The following VPS13D variants were observed in gnomAD, a reference collection of about 807,000 sequenced individuals.
VPS13D encodes the protein vacuolar protein sorting 13 homolog D, also known as intermembrane lipid transfer protein VPS13D.
A neutral mutation model predicts 461.9 loss-of-function variants in VPS13D; 187 were observed. The ratio of observed to expected loss-of-function variants is 0.40; its 90% CI spans 0.36 to 0.46. The LOEUF is 0.46. Among genes scored for constraint, VPS13D ranks in the 20% least tolerant of loss-of-function variants. The probability of loss-of-function intolerance (pLI) is 0.60; values close to 1 mark genes in which losing one functional copy is unlikely to be tolerated. For missense variants in VPS13D, 4,711 were observed against 5,364.9 expected (o/e 0.88, Z 3.81); for synonymous variants, 1,951 against 1,986.3 (o/e 0.98, Z 0.47).
chr1:12,439,948 C>T (rs1258587706), intron 65 of VPS13D, among the ~76,000 whole-genome samples: 1 of 152,114 alleles, frequency 6.6e-6, no homozygotes, highest in East Asian at 1.9e-4. Context: ...CTATGGATGC[C>T]TCACCCTCAT....
chr1:12,288,904 C>T (rs889511516), intron 22 of VPS13D, among the ~76,000 whole-genome samples: 1 of 152,130 alleles, frequency 6.6e-6, no homozygotes, highest in Non-Finnish European at 1.5e-5. Context: ...TGCAGTGGTG[C>T]AGTCTTGGCT....
At chr1:12,242,403 AGCCTAT>A in intron 2 of VPS13D, 104 bp from the exon 3 acceptor site, 1 of 921,236 alleles carries the variant, frequency 1.1e-6, no homozygotes, top group Non-Finnish European at 1.7e-6. Context: ...CACATGACGT[AGCCTAT>A]TCTATATGTA....
intron 59 of VPS13D, among the ~76,000 whole-genome samples, chr1:12,385,677 T>C (rs1644341755): frequency 1.3e-5 from 2 of 152,254 alleles, no homozygotes; most frequent in South Asian, 4.1e-4. Flanking sequence ...CAGCCATCTC[T>C]GACATCTTCC....
chr1:12,275,930 C>T lies in VPS13D; in HGVS notation c.2342C>T (p.Pro781Leu). 1.2e-6 allele frequency: 2 copies of T among 1,613,948 alleles called. No homozygotes were observed. The highest frequency in any genetic ancestry group is 1.7e-6 in the Non-Finnish European group (2 of 1,180,010). ...PLATPPNTPP[P>L]ESSSSNGEKT... The stretch of plus-strand genomic sequence containing the variant: ...GCCACACCTCCTAACACCCCACCTC[C>T]CGAGTCAAGCAGCAGCAACGGAGAG... Residue 781 changes from proline (P) to leucine (L), a missense_variant, in exon 19 of 70, where the codon CCC (proline) becomes CTC (leucine). Physicochemically the swap from Pro to Leu is moderately conservative, Grantham distance 98. This residue lies in a region of VPS13D where 4,411 missense variants were observed against 4,937.8 expected (regional missense o/e 0.89). Coordinates refer to ENST00000620676, the MANE Select transcript of VPS13D (RefSeq NM_015378.4).
chr1:12,305,968 CTATTTT>C lies in VPS13D; in HGVS notation c.6439+1266_6439+1271del, dbSNP rs369743535. Among the ~76,000 whole-genome samples the C allele has an allele frequency of 1.0e-3, 154 of 151,760 alleles. 1 individual carries two copies. The highest frequency in any genetic ancestry group is 2.6e-3 in the African/African-American group (106 of 41,396). On this transcript the variant is annotated intron_variant, in intron 26 of 69. Coordinates refer to ENST00000620676, the MANE Select transcript of VPS13D (RefSeq NM_015378.4). ...ACACTCCTGCAGGGTTTTTATTTTT[CTATTTT>C]TATTTTTATTTTTATTTTTATTTTT...
rs372193507 is a variant in VPS13D at position 12,383,071 on chromosome 1, A to T, written c.11286A>T (p.Gln3762His). Residue 3762 changes from glutamine to histidine, a missense_variant, in exon 58 of 70, where the codon CAA becomes CAT. Physicochemically the swap from Gln to His is conservative, Grantham distance 24. This residue lies in a region of VPS13D where 4,411 missense variants were observed against 4,937.8 expected (regional missense o/e 0.89). Transcript: ENST00000620676. Reference sequence around the variant, plus strand: ...TTTTGGGGCCAGTTCCACCTGAACAACAATTTATTAATCAAAAAATGAGAC... The same window carrying T: ...TTTTGGGGCCAGTTCCACCTGAACATCAATTTATTAATCAAAAAATGAGAC... Reference protein sequence around the residue: ...MELLGPVPPEQQFINQKMRPG... With the variant: ...MELLGPVPPEHQFINQKMRPG... 4.3e-6 allele frequency: 7 copies of T among 1,614,080 alleles called. No individual in the cohort carries two copies. In the African/African-American group the frequency reaches 6.7e-5, roughly 15 times the overall value.
intron 32 of VPS13D, among the ~76,000 whole-genome samples, chr1:12,321,568 G>T (rs952334812): frequency 6.6e-6 from 1 of 152,138 alleles, no homozygotes; most frequent in African/African-American, 2.4e-5. Flanking sequence ...GGATCAAAGG[G>T]TGTGAGATTT....
intron 13 of VPS13D, among the ~76,000 whole-genome samples, chr1:12,262,691 T>G (rs1226454844): frequency 6.6e-6 from 1 of 152,014 alleles, no homozygotes; most frequent in Non-Finnish European, 1.5e-5. Context: ...CATTTTTGAC[T>G]TACTGTATTT....
intron 67 of VPS13D, chr1:12,478,834 A>G: frequency 6.6e-6 from 3 of 456,088 alleles, no homozygotes; most frequent in Non-Finnish European, 1.3e-5. Context: ...ACACCACAGG[A>G]AACCTGCCTG....
At chr1:12,469,293 A>G (rs1645533155) in intron 67 of VPS13D, among the ~76,000 whole-genome samples, 1 of 152,218 alleles carries the variant, frequency 6.6e-6, no homozygotes, top group Non-Finnish European at 1.5e-5. Context: ...ATATGAATTT[A>G]TAGATATAAC....
intron 50 of VPS13D, among the ~76,000 whole-genome samples, chr1:12,362,010 G>A (rs1215842559): frequency 5.9e-5 from 9 of 152,010 alleles, no homozygotes; most frequent in African/African-American, 1.9e-4. Context: ...CTACAGGTGC[G>A]TGCCACCATG....
intron 27 of VPS13D, among the ~76,000 whole-genome samples, chr1:12,309,981 T>C (rs993125651): frequency 1.3e-5 from 2 of 152,140 alleles, no homozygotes; most frequent in African/African-American, 4.8e-5. Flanking sequence ...CCCTGGCTGG[T>C]GTTCAGTTAT....
intron 24 of VPS13D, among the ~76,000 whole-genome samples, chr1:12,296,627 T>C (rs1642285517): frequency 6.6e-6 from 1 of 152,240 alleles, no homozygotes; most frequent in African/African-American, 2.4e-5. Context: ...TTATGACTAA[T>C]GCTTCCATGA....
intron 38 of VPS13D, 60 bp from the exon 39 acceptor site, chr1:12,335,641 ATTAT>A: frequency 6.5e-7 from 1 of 1,541,146 alleles, no homozygotes; most frequent in East Asian, 2.3e-5. Context: ...CTGAATTGAA[ATTAT>A]TTGACTCGAA....
rs1641664258 is a variant in VPS13D at position 12,277,928 on chromosome 1, C to G, written c.4340C>G (p.Ser1447Cys). The change falls in exon 19 of 70, where the codon TCT becomes TGT. Residue 1447 changes from serine (S) to cysteine (C), a missense_variant. This residue lies in a region of VPS13D where 4,411 missense variants were observed against 4,937.8 expected (regional missense o/e 0.89). Transcript: ENST00000620676. Reference sequence around the variant, plus strand: ...TTGGCAGGTAGAGAAGCTGTTGGGTCTGAAGGAAGCCGGATGTTTTGCCCA... The same window carrying G: ...TTGGCAGGTAGAGAAGCTGTTGGGTGTGAAGGAAGCCGGATGTTTTGCCCA... ...TQLAGREAVGSEGSRMFCPPS... is the reference protein window; with the variant it reads ...TQLAGREAVGCEGSRMFCPPS... 3 of 1,614,044 alleles carry G rather than the reference C, an allele frequency of 1.9e-6. No homozygotes were observed. The South Asian group carries it at 3.3e-5, about 18-fold the overall frequency.
At chr1:12,481,824 T>C (rs1446922192) in intron 67 of VPS13D, among the ~76,000 whole-genome samples, 1 of 152,174 alleles carries the variant, frequency 6.6e-6, no homozygotes, top group Non-Finnish European at 1.5e-5. Context: ...TTCCAGATGT[T>C]CTCTCTCCCT....
chr1:12,479,548 G>T (rs555284184), intron 67 of VPS13D, among the ~76,000 whole-genome samples: 6 of 152,192 alleles, frequency 3.9e-5, no homozygotes, highest in Non-Finnish European at 7.3e-5. Flanking sequence ...TTTCCCCATT[G>T]TACAGATGGG....
chr1:12,256,405 T>C lies in VPS13D; in HGVS notation c.742T>C (p.Leu248=). 4.3e-6 allele frequency: 7 copies of C among 1,614,138 alleles called. No homozygotes were observed. Among genetic ancestry groups the C allele is most frequent in the Non-Finnish European group, 5.9e-6 (7 of 1,180,022 alleles). The part of the protein sequence containing the change: ...VLEPVFASAL[L]KRNCSKKPLR... ...GGAGCCTGTGTTTGCATCTGCTCTTTTGAAGAGAAACTGCTCCAAGAAGCC... is the reference window on the plus strand; with the variant it reads ...GGAGCCTGTGTTTGCATCTGCTCTTCTGAAGAGAAACTGCTCCAAGAAGCC... The change falls in exon 8 of 70, where the codon TTG becomes CTG. Residue 248 remains leucine, a synonymous_variant. Coordinates refer to ENST00000620676, the MANE Select transcript of VPS13D (RefSeq NM_015378.4).
At chr1:12,395,070 G>A (rs1368929225) in intron 60 of VPS13D, among the ~76,000 whole-genome samples, 6 of 152,118 alleles carry the variant, frequency 3.9e-5, no homozygotes, top group Admixed American at 3.9e-4. Context: ...GGCCTGCCGG[G>A]ACTTTAGGTC....
Sources: allele counts gnomAD v4.1 joint callset (sites outside exome capture counted in the v4.1 genomes callset), GRCh38; gene constraint gnomAD v4.1.1; regional missense constraint gnomAD v4.1.1; transcripts MANE v1.5; gene names NCBI Gene and HGNC (gene_info 2026-07-23, HGNC 2026-07-21).